The following TTC28 variants were observed in gnomAD, a reference collection of about 807,000 sequenced individuals.
The protein encoded by TTC28 is tetratricopeptide repeat domain 28.
TTC28 carries 61 observed loss-of-function variants against 198.0 expected under a neutral mutation model. The ratio of observed to expected loss-of-function variants is 0.31; its 90% CI spans 0.25 to 0.38. The LOEUF (loss-of-function observed/expected upper bound fraction) is 0.38, where lower values mean the gene tolerates loss of function less well. Among genes scored for constraint, TTC28 ranks in the 10% least tolerant of loss-of-function variants. The pLI is 1.00. For synonymous variants in TTC28, 1,171 were observed against 1,297.8 expected, an observed-to-expected ratio of 0.90 and a Z score of 2.10; for missense variants, 2,678 against 3,164.0, an observed-to-expected ratio of 0.85 and a Z score of 3.69.
chr22:28,328,008 A>C (rs1021685667), intron 2 of TTC28, among the ~76,000 whole-genome samples: 3 of 152,236 alleles, frequency 2.0e-5, no homozygotes, highest in Non-Finnish European at 4.4e-5. Context: ...GTCTACCTTA[A>C]AGCTCAATAT....
chr22:28,588,064 C>T lies in TTC28; in HGVS notation c.381+41488G>A, dbSNP rs191789875. Among the ~76,000 whole-genome samples the T allele has an allele frequency of 6.0e-3, 908 of 151,776 alleles. 6 individuals carry two copies. Among genetic ancestry groups the T allele is most frequent in the Non-Finnish European group, 9.9e-3 (673 of 67,912 alleles). Reference sequence around the variant, plus strand: ...GGCTGAGGCAGGAGAATGGCGTGAACCCGGGAGGCAGAGCTGGAAGTGAGC... The same window carrying T: ...GGCTGAGGCAGGAGAATGGCGTGAATCCGGGAGGCAGAGCTGGAAGTGAGC... On this transcript the variant is annotated intron_variant, in intron 2 of 22. Transcript: ENST00000397906.
intron 5 of TTC28, among the ~76,000 whole-genome samples, chr22:28,253,356 T>C (rs1395653740): frequency 6.6e-6 from 1 of 152,226 alleles, no homozygotes; most frequent in Non-Finnish European, 1.5e-5. Flanking sequence ...TTTATTCACA[T>C]TCCAATAAAC....
chr22:28,086,559 C>G (rs1167308764), intron 12 of TTC28, among the ~76,000 whole-genome samples: 1 of 152,122 alleles, frequency 6.6e-6, no homozygotes, highest in African/African-American at 2.4e-5. Context: ...CAAGAGAAAG[C>G]AGGAAAGATC....
rs568708743 is a variant in TTC28, at chr22:27,979,772, A to G, written c.*2449T>C. ...TTATGATTTTACATCCATTTTACTC[A>G]TACAAGAACACCAAGACTGACATAC... On this transcript the variant is annotated 3_prime_UTR_variant, in exon 23 of 23. Transcript: ENST00000397906. 1.3e-5 allele frequency: 2 copies of G among 152,364 alleles called. No homozygotes were observed. Among genetic ancestry groups the G allele is most frequent in the South Asian group, 2.1e-4 (1 of 4,826 alleles). 9.4% of individuals were successfully genotyped at this position (152,364 alleles called of 1,614,324 possible). A position where few individuals can be genotyped will look rare whatever the true frequency, so the allele number is the denominator to read the frequency against.
chr22:28,351,973 A>G (rs1298245605), intron 2 of TTC28, among the ~76,000 whole-genome samples: 1 of 152,168 alleles, frequency 6.6e-6, no homozygotes, highest in Admixed American at 6.5e-5. Context: ...TTCATGATAC[A>G]ATTTTGAATA....
At chr22:28,334,815 G>A (rs1404847374) in intron 2 of TTC28, among the ~76,000 whole-genome samples, 1 of 152,090 alleles carries the variant, frequency 6.6e-6, no homozygotes, top group African/African-American at 2.4e-5. Flanking sequence ...TCACGCTGAT[G>A]GTAGGTTCCT....
chr22:28,165,022 G>A (rs1440097215), intron 5 of TTC28, among the ~76,000 whole-genome samples: 3 of 152,270 alleles, frequency 2.0e-5, no homozygotes, highest in Non-Finnish European at 2.9e-5. Flanking sequence ...TGAGAACTAC[G>A]TGATGAATGC....
chr22:28,246,841 C>T (rs1292231553), intron 5 of TTC28, among the ~76,000 whole-genome samples: 1 of 151,800 alleles, frequency 6.6e-6, no homozygotes, highest in Non-Finnish European at 1.5e-5. Context: ...ATCATAAATT[C>T]GTAAAAATAA....
At chr22:28,530,618 A>G (rs1399901297) in intron 2 of TTC28, among the ~76,000 whole-genome samples, 1 of 152,230 alleles carries the variant, frequency 6.6e-6, no homozygotes, top group East Asian at 1.9e-4. Context: ...CAGATTCACC[A>G]AAGTTGAAAT....
At chr22:28,279,065 T>A (rs1436027576) in intron 5 of TTC28, among the ~76,000 whole-genome samples, 1 of 152,172 alleles carries the variant, frequency 6.6e-6, no homozygotes, top group Admixed American at 6.5e-5. Context: ...AGACTTCTAT[T>A]TTTTATTTTT....
chr22:28,648,031 T>C (rs905885148), intron 1 of TTC28, among the ~76,000 whole-genome samples: 1 of 151,562 alleles, frequency 6.6e-6, no homozygotes, highest in Non-Finnish European at 1.5e-5. Flanking sequence ...AAGACCATCC[T>C]GGCTAACACG....
intron 14 of TTC28, among the ~76,000 whole-genome samples, chr22:28,009,869 AG>A (rs1938074646): frequency 6.6e-6 from 1 of 152,214 alleles, no homozygotes; most frequent in African/African-American, 2.4e-5. Flanking sequence ...CCAACTTTTC[AG>A]TTAAGTGTTT....
intron 11 of TTC28, among the ~76,000 whole-genome samples, chr22:28,095,407 T>C (rs755385275): frequency 7.3e-5 from 11 of 151,606 alleles, no homozygotes; most frequent in Non-Finnish European, 1.5e-4. Context: ...AGAAACATAA[T>C]CAAGAAAATC....
At chr22:28,312,775 G>C (rs990354734) in intron 2 of TTC28, among the ~76,000 whole-genome samples, 2 of 152,076 alleles carry the variant, frequency 1.3e-5, no homozygotes. Flanking sequence ...ATCTAAAATC[G>C]ATACCCTAAC....
At chr22:28,015,818 G>A (rs1002367263) in intron 13 of TTC28, among the ~76,000 whole-genome samples, 2 of 151,738 alleles carry the variant, frequency 1.3e-5, no homozygotes, top group African/African-American at 4.8e-5. Context: ...AGACCATGCC[G>A]TAAACCAGAT....
At chr22:28,607,745 T>A (rs2050756472) in intron 2 of TTC28, among the ~76,000 whole-genome samples, 1 of 152,204 alleles carries the variant, frequency 6.6e-6, no homozygotes. Context: ...TAGTACCACC[T>A]ATAGCAGATG....
intron 13 of TTC28, 64 bp downstream of exon 13, chr22:28,030,162 C>A: frequency 1.3e-6 from 2 of 1,532,124 alleles, no homozygotes; most frequent in African/African-American, 1.4e-5. Flanking sequence ...CCACTGAAAG[C>A]ATATTATCTG....
intron 5 of TTC28, among the ~76,000 whole-genome samples, chr22:28,220,198 T>A (rs1399698126): frequency 6.6e-6 from 1 of 152,262 alleles, no homozygotes; most frequent in Admixed American, 6.5e-5. Context: ...AATTACCAGA[T>A]GCTAAGCATT....
intron 2 of TTC28, among the ~76,000 whole-genome samples, chr22:28,365,261 T>G (rs2046229114): frequency 6.6e-6 from 1 of 152,230 alleles, no homozygotes; most frequent in African/African-American, 2.4e-5. Flanking sequence ...TTTTGCACAC[T>G]TAATAGACTA....
Sources: gnomAD v4.1 joint callset for allele counts (sites outside exome capture counted in the v4.1 genomes callset) on GRCh38, gnomAD v4.1.1 for gene constraint, MANE v1.5 for transcripts, NCBI Gene and HGNC (gene_info 2026-07-23, HGNC 2026-07-21) for gene names.